GNAQ: variants seen among roughly 807,000 people sequenced by gnomAD.
GNAQ encodes guanine nucleotide-binding protein G(q) subunit alpha.
Under a neutral mutation model 43.9 loss-of-function variants are expected in GNAQ, and 8 were observed. The observed-to-expected ratio is 0.18, with a 90% CI of 0.11 to 0.33. GNAQ has a LOEUF of 0.33. GNAQ is among the 10% of genes least tolerant of loss of function. The probability of loss-of-function intolerance (pLI) is 1.00; values close to 1 mark genes in which losing one functional copy is unlikely to be tolerated. For synonymous variants in GNAQ, 155 were observed against 170.7 expected (o/e 0.91, Z 0.71); for missense variants, 158 against 450.8 (o/e 0.35, Z 5.88).
chr9:77,860,070 C>A (rs1043565418), intron 2 of GNAQ, among the ~76,000 whole-genome samples: 19 of 152,156 alleles, frequency 1.2e-4, no homozygotes, highest in Non-Finnish European at 2.6e-4. Context: ...AGGCGTCTAA[C>A]GTCTCCATTT....
At chr9:77,938,649 A>G (rs1234771557) in intron 1 of GNAQ, among the ~76,000 whole-genome samples, 1 of 152,224 alleles carries the variant, frequency 6.6e-6, no homozygotes, top group Non-Finnish European at 1.5e-5. Context: ...AGACCAAGAA[A>G]GAAGCACGGC....
At chr9:77,956,840 C>A (rs1403904400) in intron 1 of GNAQ, among the ~76,000 whole-genome samples, 1 of 152,162 alleles carries the variant, frequency 6.6e-6, no homozygotes, top group Non-Finnish European at 1.5e-5. Flanking sequence ...TTAAAGACAG[C>A]AGGTGAGAGA....
At chr9:77,796,198 T>A (rs1008351028) in intron 4 of GNAQ, among the ~76,000 whole-genome samples, 1 of 152,200 alleles carries the variant, frequency 6.6e-6, no homozygotes, top group Admixed American at 6.5e-5. Context: ...ACCTACTTTG[T>A]GGCAATATCT....
chr9:77,760,947 G>A (rs867121971), intron 5 of GNAQ, among the ~76,000 whole-genome samples: 282 of 120,020 alleles, frequency 2.3e-3, no homozygotes, highest in Non-Finnish European at 3.8e-3. Flanking sequence ...CCCCATCTGA[G>A]AAGGGAGGAG....
chr9:77,775,543 G>A (rs1249729255), intron 5 of GNAQ, among the ~76,000 whole-genome samples: 1 of 151,762 alleles, frequency 6.6e-6, no homozygotes, highest in Non-Finnish European at 1.5e-5. Context: ...CCGAGTAGCT[G>A]GGACTATAGG....
chr9:77,849,293 A>G (rs1827635148), intron 2 of GNAQ, among the ~76,000 whole-genome samples: 1 of 152,192 alleles, frequency 6.6e-6, no homozygotes, highest in Non-Finnish European at 1.5e-5. Context: ...TCCTAAAACT[A>G]TCTAAAAAAT....
intron 1 of GNAQ, among the ~76,000 whole-genome samples, chr9:78,014,554 C>T (rs1823813981): frequency 1.3e-5 from 2 of 151,944 alleles, no homozygotes; most frequent in Non-Finnish European, 1.5e-5. Context: ...TGCTGTGAGC[C>T]GAGATAGCGC....
At chr9:77,975,536 C>CTTTTTTTT (rs34636918) in intron 1 of GNAQ, among the ~76,000 whole-genome samples, 1 of 115,276 alleles carries the variant, frequency 8.7e-6, no homozygotes, top group African/African-American at 3.7e-5. Flanking sequence ...TCAGCCCCCC[C>CTTTTTTTT]TTTTTTTTTT....
intron 2 of GNAQ, among the ~76,000 whole-genome samples, chr9:77,911,409 C>T (rs545147787): frequency 6.6e-6 from 1 of 152,218 alleles, no homozygotes; most frequent in African/African-American, 2.4e-5. Context: ...GTGCTTAATG[C>T]CCCTACTTTA....
intron 1 of GNAQ, among the ~76,000 whole-genome samples, chr9:77,952,222 AT>A (rs910742856): frequency 1.3e-5 from 2 of 152,224 alleles, no homozygotes; most frequent in Non-Finnish European, 2.9e-5. Flanking sequence ...CAGTTTTTAT[AT>A]TTAAAATAAC....
At chr9:77,737,230 C>T (rs144516289) in intron 5 of GNAQ, among the ~76,000 whole-genome samples, 41 of 152,346 alleles carry the variant, frequency 2.7e-4, no homozygotes, top group Admixed American at 1.3e-3. Flanking sequence ...ATCACCTTCT[C>T]GTTGCTCTCT....
chr9:77,901,178 C>A (rs1416756027), intron 2 of GNAQ, among the ~76,000 whole-genome samples: 2 of 152,196 alleles, frequency 1.3e-5, no homozygotes, highest in Non-Finnish European at 2.9e-5. Context: ...TAGTACCACA[C>A]TGTCACACTC....
intron 1 of GNAQ, among the ~76,000 whole-genome samples, chr9:78,019,347 A>C (rs1823877370): frequency 6.6e-6 from 1 of 152,230 alleles, no homozygotes; most frequent in Admixed American, 6.5e-5. Context: ...AGAAGGTAGA[A>C]TGTTCAGAGG....
At chr9:77,992,319 T>A (rs975783080) in intron 1 of GNAQ, among the ~76,000 whole-genome samples, 1 of 152,238 alleles carries the variant, frequency 6.6e-6, no homozygotes, top group African/African-American at 2.4e-5. Flanking sequence ...CAGAAAAGTT[T>A]TCGATTCAAC....
chr9:77,821,148 CATT>C (rs950072332), intron 2 of GNAQ, among the ~76,000 whole-genome samples: 1 of 152,116 alleles, frequency 6.6e-6, no homozygotes, highest in Non-Finnish European at 1.5e-5. Context: ...TTTATTAACT[CATT>C]ATTAAGTTTG....
chr9:77,757,616 T>C (rs1564101413), intron 5 of GNAQ, among the ~76,000 whole-genome samples: 1 of 152,092 alleles, frequency 6.6e-6, no homozygotes, highest in Non-Finnish European at 1.5e-5. Flanking sequence ...ATGCTTTTAC[T>C]ATTATTAATG....
chr9:77,905,382 TAG>T (rs758767109), intron 2 of GNAQ, among the ~76,000 whole-genome samples: 34 of 152,328 alleles, frequency 2.2e-4, no homozygotes, highest in Admixed American at 1.4e-3. Flanking sequence ...CTTACTGGAT[TAG>T]AGTCTCTGGT....
At chr9:77,975,838 G>A (rs988925402) in intron 1 of GNAQ, among the ~76,000 whole-genome samples, 3 of 151,940 alleles carry the variant, frequency 2.0e-5, no homozygotes, top group Admixed American at 6.6e-5. Context: ...GCTCAGCCCC[G>A]TTATCGGCCT....
chr9:77,740,086 T>C (rs1024026154), intron 5 of GNAQ, among the ~76,000 whole-genome samples: 3 of 152,214 alleles, frequency 2.0e-5, no homozygotes, highest in African/African-American at 7.2e-5. Flanking sequence ...AACAATTCAG[T>C]AAAATATTTC....
Sources: allele counts gnomAD v4.1 joint callset (sites outside exome capture counted in the v4.1 genomes callset), GRCh38; gene constraint gnomAD v4.1.1; transcripts MANE v1.5; gene names NCBI Gene and HGNC (gene_info 2026-07-23, HGNC 2026-07-21).